TRRAP: variants seen among roughly 807,000 people sequenced by gnomAD.
TRRAP encodes the protein transformation/transcription domain associated protein.
A neutral mutation model predicts 438.8 loss-of-function variants in TRRAP; 41 were observed. The ratio of observed to expected loss-of-function variants is 0.09; its 90% CI spans 0.07 to 0.12. The LOEUF (loss-of-function observed/expected upper bound fraction) is 0.12, where lower values mean the gene tolerates loss of function less well. Among genes scored for constraint, TRRAP ranks in the 10% least tolerant of loss-of-function variants. The pLI, the probability that TRRAP is intolerant of heterozygous loss-of-function variation, is 1.00. For synonymous variants in TRRAP, 1,994 were observed against 1,962.9 expected (o/e 1.02, Z -0.42); for missense variants, 3,122 against 5,055.1 (o/e 0.62, Z 11.60).
intron 67 of TRRAP, chr7:98,999,836 A>G (rs2116837668): frequency 2.1e-6 from 1 of 470,544 alleles, no homozygotes; most frequent in Non-Finnish European, 3.8e-6. Context: ...TCTCCACCTC[A>G]GACAGGCTTT....
At chr7:98,949,207 G>A (rs2116607184) in intron 35 of TRRAP, among the ~76,000 whole-genome samples, 1 of 152,004 alleles carries the variant, frequency 6.6e-6, no homozygotes, top group South Asian at 2.1e-4. Flanking sequence ...ACTTCAGCCT[G>A]GGCAATAGAC....
chr7:98,954,662 G>A (rs888760660), intron 40 of TRRAP, among the ~76,000 whole-genome samples: 2 of 152,206 alleles, frequency 1.3e-5, no homozygotes, highest in Admixed American at 6.5e-5. Context: ...TCTTCTCTGT[G>A]TTCCCATGAC....
chr7:98,910,221 C>A lies in TRRAP; in HGVS notation c.1516C>A (p.Pro506Thr). 1 of 1,507,528 alleles carries A rather than the reference C, an allele frequency of 6.6e-7. No homozygotes were observed. Among genetic ancestry groups the A allele is most frequent in the Non-Finnish European group, 8.9e-7 (1 of 1,128,348 alleles). 93.4% of individuals were successfully genotyped at this position (1,507,528 alleles called of 1,614,324 possible). A position where few individuals can be genotyped will look rare whatever the true frequency, so the allele number is the denominator to read the frequency against. The change falls in exon 15 of 73, where the codon CCA becomes ACA. Residue 506 changes from proline (P) to threonine (T), a missense_variant. Pro to Thr is a conservative substitution (Grantham distance 38). Coordinates refer to ENST00000456197, the MANE Select transcript of TRRAP (RefSeq NM_001375524.1). ...PAPSPAPVPA[P>T]PPPPPPPPPA... The stretch of plus-strand genomic sequence containing the variant: ...TCCCTCCCCAGCCCCTGTCCCTGCC[C>A]CACCTCCACCCCCGCCCCCACCCCC...
chr7:98,908,579 C>T lies in TRRAP; in HGVS notation c.1116-149C>T. 1 of 655,374 alleles carries T rather than the reference C, an allele frequency of 1.5e-6. No individual in the cohort carries two copies. 40.6% of individuals were successfully genotyped at this position (655,374 alleles called of 1,614,324 possible). A position where few individuals can be genotyped will look rare whatever the true frequency, so the allele number is the denominator to read the frequency against. On this transcript the variant is annotated intron_variant, in intron 13 of 72. Transcript: ENST00000456197. This position sits in a 1 kb window ranked among gnomAD's most constrained non-coding sequence, Gnocchi z 4.1. ...ACTTGAGCCCTCTTCTGTCATGTAT[C>T]TGGGAGAGAGTAATGTGGTGAAAAT...
At chr7:98,955,645 T>C (rs950341461) in intron 41 of TRRAP, among the ~76,000 whole-genome samples, 1 of 152,206 alleles carries the variant, frequency 6.6e-6, no homozygotes, top group Non-Finnish European at 1.5e-5. Context: ...TGGAAAGTTA[T>C]TCATGTTGCT....
Position 98,953,237 on chromosome 7 carries a change from T to C in TRRAP, c.5534T>C (p.Leu1845Pro), listed in dbSNP as rs1554418674. The change falls in exon 40 of 73, where the codon CTG becomes CCG. Residue 1845 changes from leucine to proline, a missense_variant. Around this residue, in one of 24 missense-constraint regions of TRRAP, gnomAD observed 272 missense variants for 348.5 expected, o/e 0.78. Coordinates refer to ENST00000456197, the MANE Select transcript of TRRAP (RefSeq NM_001375524.1). ...ATCTACCTGCTGCAGTACGCCACGCTGCTGGTGGAGCACGCCCCCCACCAC... is the reference window on the plus strand; with the variant it reads ...ATCTACCTGCTGCAGTACGCCACGCCGCTGGTGGAGCACGCCCCCCACCAC... ...LRIYLLQYAT[L>P]LVEHAPHHIH... 2 of 1,613,252 alleles carry C rather than the reference T, an allele frequency of 1.2e-6. No homozygotes were observed. Among genetic ancestry groups the C allele is most frequent in the African/African-American group, 1.3e-5 (1 of 74,766 alleles).
At chr7:98,939,731 C>T (rs1000249880) in intron 30 of TRRAP, among the ~76,000 whole-genome samples, 8 of 152,214 alleles carry the variant, frequency 5.3e-5, no homozygotes, top group East Asian at 1.9e-4. Context: ...TCCTGTATTA[C>T]GGCTGAGGTG....
chr7:98,882,045 A>G (rs373664016), intron 3 of TRRAP, 21 bp downstream of exon 3: 153 of 1,592,270 alleles, frequency 9.6e-5, no homozygotes, highest in Middle Eastern at 5.0e-4. Flanking sequence ...TATATTTTCT[A>G]TTTTTCATTT....
In TRRAP at chr7:98,937,611, A is replaced by G. The variant is rs1227495660; in HGVS notation, c.4234-39A>G. The G allele has an allele frequency of 1.9e-6, 3 of 1,574,318 alleles. No individual in the cohort carries two copies. The Admixed American group carries it at 5.7e-5, about 30-fold the overall frequency. ...TTCTGTTCTATTATGAAGTGTCCTC[A>G]GTTGTCTATTTTTCTTTACAACTTT... is the stretch of plus-strand genomic sequence containing the variant. On this transcript the variant is annotated intron_variant, in intron 29 of 72. Coordinates refer to ENST00000456197, the MANE Select transcript of TRRAP (RefSeq NM_001375524.1).
intron 50 of TRRAP, 70 bp from the exon 51 acceptor site, chr7:98,967,415 C>T: frequency 6.5e-7 from 1 of 1,533,746 alleles, no homozygotes; most frequent in South Asian, 1.1e-5. Flanking sequence ...TCCACGTTCA[C>T]CTGTTTCTGC....
chr7:98,956,315 C>T lies in TRRAP; in HGVS notation c.6096+11C>T, dbSNP rs372916913. The T allele has an allele frequency of 6.2e-7, 1 of 1,613,958 alleles. No individual in the cohort carries two copies. The highest frequency in any genetic ancestry group is 1.3e-5 in the African/African-American group (1 of 74,938). ...ATCAAGGACCAGCAGGTAGGGGTGT[C>T]AGCCTCAGGGGTGCCCCGATCGTCT... is the stretch of plus-strand genomic sequence containing the variant. On this transcript the variant is annotated intron_variant, in intron 42 of 72. Transcript: ENST00000456197. The surrounding 1 kb of genome is among the most constrained non-coding windows in gnomAD (Gnocchi z 4.5).
intron 47 of TRRAP, among the ~76,000 whole-genome samples, chr7:98,963,623 C>G (rs1792021745): frequency 6.6e-6 from 1 of 152,146 alleles, no homozygotes; most frequent in African/African-American, 2.4e-5. Context: ...AGAGTACACC[C>G]CATTTCCATC....
rs56091446 is a variant in TRRAP, at chr7:98,962,357, C to T, written c.6759C>T (p.Val2253=). 1.3e-3 allele frequency: 2,164 copies of T among 1,614,198 alleles called. 46 individuals carry two copies. The East Asian group carries it at 0.044, about 33-fold the overall frequency. The stretch of plus-strand genomic sequence containing the variant: ...AGCTGGAGTGCCTCTACGCAGCCGT[C>T]GGAAAGGTCATCTATGAAGGGCTCA... ...YEELECLYAA[V]GKVIYEGLTN... The change falls in exon 47 of 73, where the codon GTC becomes GTT. Residue 2253 remains valine (V), a synonymous_variant. Coordinates refer to ENST00000456197, the MANE Select transcript of TRRAP (RefSeq NM_001375524.1).
At chr7:98,996,228 C>A (rs1013843813) in intron 67 of TRRAP, among the ~76,000 whole-genome samples, 19 of 152,368 alleles carry the variant, frequency 1.2e-4, no homozygotes, top group Non-Finnish European at 2.6e-4. Context: ...CATCCACATC[C>A]CATTGTGCAC....
intron 70 of TRRAP, among the ~76,000 whole-genome samples, chr7:99,010,737 A>G (rs1051735470): frequency 1.3e-5 from 2 of 152,194 alleles, no homozygotes; most frequent in African/African-American, 4.8e-5. Context: ...GATATATTCC[A>G]TAGTCAGCAA....
At chr7:98,961,534 C>T (rs920057980) in intron 46 of TRRAP, 60 bp downstream of exon 46, 12 of 1,578,146 alleles carry the variant, frequency 7.6e-6, no homozygotes, top group Non-Finnish European at 1.0e-5. Context: ...GCGGAGCTTG[C>T]TATGAGAGCG....
At chr7:98,983,173 G>A (rs142624205) in intron 59 of TRRAP, 91 bp from the exon 60 acceptor site, 10 of 1,225,798 alleles carry the variant, frequency 8.2e-6, no homozygotes, top group African/African-American at 3.0e-5. Flanking sequence ...AGATCTTTGC[G>A]ATAATCATGT....
rs1789247483 is a variant in TRRAP at position 98,911,068 on chromosome 7, C to T, written c.1813-9C>T. ...AATGCCTGTGGGCGGCTTTTTTCCC[C>T]TGTATTAGGTCCAGATAGCAGGAAA... On this transcript the variant is annotated splice_polypyrimidine_tract_variant and intron_variant, in intron 16 of 72. Transcript: ENST00000456197. 1.2e-6 allele frequency: 2 copies of T among 1,608,730 alleles called. No homozygotes were observed. Among genetic ancestry groups the T allele is most frequent in the African/African-American group, 2.7e-5 (2 of 74,646 alleles).
intron 53 of TRRAP, among the ~76,000 whole-genome samples, chr7:98,974,663 C>T (rs1792571636): frequency 6.6e-6 from 1 of 152,142 alleles, no homozygotes; most frequent in Non-Finnish European, 1.5e-5. Flanking sequence ...AATTTCTAAC[C>T]TCTCAAATCC....
Sources: allele counts gnomAD v4.1 joint callset (sites outside exome capture counted in the v4.1 genomes callset), GRCh38; gene constraint gnomAD v4.1.1; regional missense constraint gnomAD v4.1.1; non-coding constraint Gnocchi (gnomAD v3.1); transcripts MANE v1.5; gene names NCBI Gene and HGNC (gene_info 2026-07-23, HGNC 2026-07-21).